TSHZ2: variants seen among roughly 807,000 people sequenced by gnomAD.
TSHZ2 encodes the protein teashirt zinc finger homeobox 2, also known as teashirt homolog 2.
A neutral mutation model predicts 74.4 loss-of-function variants in TSHZ2; 21 were observed. The ratio of observed to expected loss-of-function variants is 0.28; its 90% CI spans 0.20 to 0.41. The LOEUF is 0.41. Among genes scored for constraint, TSHZ2 ranks in the 10% least tolerant of loss-of-function variants. TSHZ2 has a pLI of 1.00. For synonymous variants in TSHZ2, 540 were observed against 515.3 expected (o/e 1.05, Z -0.65); for missense variants, 1,244 against 1,293.5 (o/e 0.96, Z 0.59).
At chr20:53,198,920 T>C (rs766535135) in intron 1 of TSHZ2, among the ~76,000 whole-genome samples, 2 of 152,152 alleles carry the variant, frequency 1.3e-5, no homozygotes, top group Non-Finnish European at 2.9e-5. Context: ...GCCATCTCTG[T>C]CCTAATCCTA....
At chr20:53,107,997 C>T (rs1986427827) in intron 1 of TSHZ2, among the ~76,000 whole-genome samples, 2 of 152,180 alleles carry the variant, frequency 1.3e-5, no homozygotes, top group African/African-American at 4.8e-5. Flanking sequence ...ACTTGTGGAA[C>T]AATGTTTTGT....
rs537191442 is a variant in TSHZ2, at chr20:53,128,872, G to A, written c.41-124627G>A. Among the ~76,000 whole-genome samples, 6 of 152,122 alleles carry A rather than the reference G, an allele frequency of 3.9e-5. No homozygotes were observed. The East Asian group carries it at 7.7e-4, about 20-fold the overall frequency. ...CCTGACCTCGGGATCCAATCCCCTC[G>A]GCCTCCCAAAGTGCTGGGATTACAG... On this transcript the variant is annotated intron_variant, in intron 1 of 2. Coordinates refer to ENST00000371497, the MANE Select transcript of TSHZ2 (RefSeq NM_173485.6).
At chr20:53,281,729 G>T (rs1342544780) in intron 2 of TSHZ2, among the ~76,000 whole-genome samples, 1 of 152,178 alleles carries the variant, frequency 6.6e-6, no homozygotes, top group Non-Finnish European at 1.5e-5. Context: ...CAGTAAGGGA[G>T]TAGGGAAGCA....
At chr20:53,384,383 C>G (rs1384262310) in intron 2 of TSHZ2, among the ~76,000 whole-genome samples, 1 of 152,136 alleles carries the variant, frequency 6.6e-6, no homozygotes, top group Admixed American at 6.5e-5. Flanking sequence ...ACACGCAGAC[C>G]CGTTTATTTA....
chr20:53,479,169 TAAA>T (rs71194483), intron 2 of TSHZ2, among the ~76,000 whole-genome samples: 4 of 126,244 alleles, frequency 3.2e-5, no homozygotes, highest in Non-Finnish European at 3.5e-5. Context: ...TGTCTCAATT[TAAA>T]AAAAAAAAAA....
chr20:53,328,214 A>G (rs997680762), intron 2 of TSHZ2, among the ~76,000 whole-genome samples: 2 of 152,236 alleles, frequency 1.3e-5, no homozygotes, highest in Non-Finnish European at 2.9e-5. Flanking sequence ...TGTAACTCCC[A>G]GCATGCTTCA....
intron 1 of TSHZ2, among the ~76,000 whole-genome samples, chr20:53,166,643 T>C (rs1036548245): frequency 7.9e-5 from 12 of 152,120 alleles, no homozygotes; most frequent in African/African-American, 2.9e-4. Context: ...TGGTGGCACA[T>C]GCCTGTAGTC....
At position 53,255,439 on chromosome 20, in the gene TSHZ2, G is replaced by T; in HGVS notation, c.1981G>T (p.Gly661Cys). Residue 661 changes from glycine to cysteine, a missense_variant, in exon 2 of 3, where the codon GGC becomes TGC. Transcript: ENST00000371497. This position sits in a 1 kb window ranked among gnomAD's most constrained non-coding sequence, Gnocchi z 4.1. ...LKEEEKLMKE[G>C]SEKEKPQPLE... ...GGAGGAGGAGAAGCTGATGAAAGAGGGCAGCGAGAAGGAGAAACCCCAGCC... is the reference window on the plus strand; with the variant it reads ...GGAGGAGGAGAAGCTGATGAAAGAGTGCAGCGAGAAGGAGAAACCCCAGCC... 1 of 1,612,000 alleles carries T rather than the reference G, an allele frequency of 6.2e-7. No individual in the cohort carries two copies. The highest frequency in any genetic ancestry group is 8.5e-7 in the Non-Finnish European group (1 of 1,180,000).
intron 2 of TSHZ2, among the ~76,000 whole-genome samples, chr20:53,376,987 G>A (rs1325195101): frequency 1.3e-5 from 2 of 152,184 alleles, no homozygotes; most frequent in African/African-American, 2.4e-5. Flanking sequence ...AGCAAAAATC[G>A]GTGGCCATCT....
At chr20:53,466,177 G>T (rs1985553649) in intron 2 of TSHZ2, among the ~76,000 whole-genome samples, 1 of 151,678 alleles carries the variant, frequency 6.6e-6, no homozygotes, top group African/African-American at 2.4e-5. Context: ...GAACCGGGGA[G>T]GCAGAGGTTG....
At chr20:53,279,854 A>G (rs563665823) in intron 2 of TSHZ2, among the ~76,000 whole-genome samples, 28 of 152,326 alleles carry the variant, frequency 1.8e-4, no homozygotes, top group African/African-American at 6.3e-4. Context: ...AGCTTCTGAC[A>G]TATGAAGGAC....
At chr20:52,988,316 G>A (rs1053234692) in intron 1 of TSHZ2, among the ~76,000 whole-genome samples, 2 of 151,848 alleles carry the variant, frequency 1.3e-5, no homozygotes, top group African/African-American at 4.8e-5. Flanking sequence ...ATGATTATTG[G>A]CCAATTGAAT....
intron 1 of TSHZ2, among the ~76,000 whole-genome samples, chr20:53,105,191 G>A (rs1047290981): frequency 1.2e-4 from 18 of 152,140 alleles, no homozygotes; most frequent in African/African-American, 3.6e-4. Context: ...AACTCATTTC[G>A]TGGCCACGTG....
intron 2 of TSHZ2, among the ~76,000 whole-genome samples, chr20:53,426,737 T>C (rs1983670541): frequency 6.6e-6 from 1 of 152,188 alleles, no homozygotes; most frequent in South Asian, 2.1e-4. Flanking sequence ...GAGAATTCTC[T>C]CTTTAGAAAG....
chr20:53,452,554 G>A (rs1984836377), intron 2 of TSHZ2, among the ~76,000 whole-genome samples: 2 of 148,766 alleles, frequency 1.3e-5, no homozygotes, highest in South Asian at 2.1e-4. Flanking sequence ...AGCTAAGATT[G>A]AGCCACCGCA....
intron 2 of TSHZ2, among the ~76,000 whole-genome samples, chr20:53,451,231 G>A (rs1984771487): frequency 6.6e-6 from 1 of 152,066 alleles, no homozygotes; most frequent in Non-Finnish European, 1.5e-5. Context: ...TTCAGTTTCT[G>A]GTTTATAACT....
chr20:52,985,496 C>A (rs147727455), intron 1 of TSHZ2, among the ~76,000 whole-genome samples: 2 of 152,268 alleles, frequency 1.3e-5, no homozygotes, highest in East Asian at 3.9e-4. Flanking sequence ...GATAATAAAA[C>A]CCCCTTCTGG....
chr20:53,382,026 C>A (rs1434549354), intron 2 of TSHZ2, among the ~76,000 whole-genome samples: 1 of 152,202 alleles, frequency 6.6e-6, no homozygotes, highest in African/African-American at 2.4e-5. Flanking sequence ...GACAGGCTGG[C>A]TCACACCCTC....
intron 1 of TSHZ2, among the ~76,000 whole-genome samples, chr20:53,247,149 GTA>G (rs1990227868): frequency 1.3e-5 from 2 of 152,274 alleles, no homozygotes; most frequent in South Asian, 4.2e-4. Flanking sequence ...CTCTCGATCC[GTA>G]TATATCAGTA....
Sources: allele counts gnomAD v4.1 joint callset (sites outside exome capture counted in the v4.1 genomes callset), GRCh38; gene constraint gnomAD v4.1.1; non-coding constraint Gnocchi (gnomAD v3.1); transcripts MANE v1.5; gene names NCBI Gene and HGNC (gene_info 2026-07-23, HGNC 2026-07-21).